RASA2: variants seen among roughly 807,000 people sequenced by gnomAD.
RASA2 encodes ras GTPase-activating protein 2.
RASA2 carries 155 observed loss-of-function variants against 118.2 expected under a neutral mutation model. The ratio of observed to expected loss-of-function variants is 1.31; its 90% CI spans 1.15 to 1.50. The LOEUF is 1.50. Among genes scored for constraint, RASA2 ranks in the 40% most tolerant of loss-of-function variants. The probability of loss-of-function intolerance (pLI) is 0.00; values close to 1 mark genes in which losing one functional copy is unlikely to be tolerated. For missense variants in RASA2, 1,016 were observed against 1,009.6 expected, an observed-to-expected ratio of 1.01 and a Z score of -0.09; for synonymous variants, 353 against 349.1, an observed-to-expected ratio of 1.01 and a Z score of -0.12.
intron 13 of RASA2, among the ~76,000 whole-genome samples, chr3:141,573,553 A>G (rs753031486): frequency 1.9e-4 from 29 of 152,234 alleles, no homozygotes; most frequent in Non-Finnish European, 3.5e-4. Context: ...TTTATCAGTC[A>G]GTAGTTTCAG....
At chr3:141,513,665 A>C (rs1319054741) in intron 2 of RASA2, among the ~76,000 whole-genome samples, 2 of 152,192 alleles carry the variant, frequency 1.3e-5, no homozygotes, top group African/African-American at 4.8e-5. Context: ...TTACATTTGA[A>C]GGGAAAAATA....
intron 4 of RASA2, among the ~76,000 whole-genome samples, chr3:141,537,500 G>A (rs1577700751): frequency 6.6e-6 from 1 of 152,074 alleles, no homozygotes; most frequent in East Asian, 1.9e-4. Context: ...TGGATGCAGT[G>A]GCTCACACCT....
At chr3:141,595,616 TC>T (rs1288291152) in intron 19 of RASA2, among the ~76,000 whole-genome samples, 54 of 152,284 alleles carry the variant, frequency 3.5e-4, no homozygotes, top group African/African-American at 1.3e-3. Flanking sequence ...AATTTTTTTT[TC>T]TTTTTTTCTT....
At chr3:141,572,864 A>G in intron 12 of RASA2, 141 bp downstream of exon 12, 2 of 699,188 alleles carry the variant, frequency 2.9e-6, no homozygotes, top group South Asian at 2.0e-5. Context: ...CAAATTATTT[A>G]CTTCTCTGTC....
At chr3:141,549,484 C>CGTGT (rs56036122) in intron 5 of RASA2, among the ~76,000 whole-genome samples, 9,264 of 145,194 alleles carry the variant, frequency 0.064, 558 homozygotes, top group African/African-American at 0.16. Flanking sequence ...TGTGTGTGTG[C>CGTGT]GTGTGTGTGT....
chr3:141,611,643 G>T (rs2083653227), intron 23 of RASA2, among the ~76,000 whole-genome samples: 1 of 152,068 alleles, frequency 6.6e-6, no homozygotes, highest in African/African-American at 2.4e-5. Context: ...GCTGACTAGG[G>T]CTCTGAATCC....
chr3:141,542,634 A>T (rs906508647), intron 5 of RASA2, among the ~76,000 whole-genome samples: 6 of 152,162 alleles, frequency 3.9e-5, no homozygotes, highest in Non-Finnish European at 7.4e-5. Flanking sequence ...GCACAATACC[A>T]AAACCAGGAA....
chr3:141,607,627 T>C (rs1314182643), intron 19 of RASA2, 51 bp from the exon 20 acceptor site: 1 of 1,502,408 alleles, frequency 6.7e-7, no homozygotes, highest in Non-Finnish European at 8.9e-7. Flanking sequence ...CTCATCTTTA[T>C]AATTCTGATG....
At chr3:141,509,433 G>C (rs552944900) in intron 1 of RASA2, among the ~76,000 whole-genome samples, 1 of 152,264 alleles carries the variant, frequency 6.6e-6, no homozygotes, top group South Asian at 2.1e-4. Flanking sequence ...GCACCTATGT[G>C]AATGAAACAG....
At chr3:141,490,335 CAAAAAAAA>C (rs3075070) in intron 1 of RASA2, among the ~76,000 whole-genome samples, 3 of 93,716 alleles carry the variant, frequency 3.2e-5, no homozygotes, top group African/African-American at 1.1e-4. Flanking sequence ...CTCCTCCCCT[CAAAAAAAA>C]AAAAAAAAAA....
chr3:141,538,680 G>A (rs555650902), intron 4 of RASA2, among the ~76,000 whole-genome samples: 1 of 152,198 alleles, frequency 6.6e-6, no homozygotes, highest in South Asian at 2.1e-4. Context: ...AACAGTATGT[G>A]TTTTGTGTCT....
chr3:141,531,458 ATG>A (rs1277631759), intron 4 of RASA2, among the ~76,000 whole-genome samples: 3 of 151,536 alleles, frequency 2.0e-5, no homozygotes, highest in Non-Finnish European at 4.4e-5. Context: ...ATATATGCAT[ATG>A]TGTGTATATA....
At chr3:141,537,682 T>C (rs1234038232) in intron 4 of RASA2, among the ~76,000 whole-genome samples, 1 of 152,046 alleles carries the variant, frequency 6.6e-6, no homozygotes, top group Admixed American at 6.6e-5. Context: ...GGCAGGAGAA[T>C]CGCTTGAACC....
intron 5 of RASA2, among the ~76,000 whole-genome samples, chr3:141,545,593 G>T (rs1044587412): frequency 6.7e-6 from 1 of 150,264 alleles, no homozygotes; most frequent in Non-Finnish European, 1.5e-5. Context: ...GATTACAGGT[G>T]TGCACCACCA....
At chr3:141,492,208 C>T (rs2151066907) in intron 1 of RASA2, among the ~76,000 whole-genome samples, 1 of 152,246 alleles carries the variant, frequency 6.6e-6, no homozygotes, top group Admixed American at 6.5e-5. Flanking sequence ...ACTAATATAG[C>T]CAGAATAAAA....
chr3:141,544,993 G>T (rs1233386642), intron 5 of RASA2, among the ~76,000 whole-genome samples: 2 of 152,218 alleles, frequency 1.3e-5, no homozygotes, highest in Non-Finnish European at 2.9e-5. Flanking sequence ...CTACCAGAGG[G>T]TGGAGAGTAG....
At chr3:141,520,721 C>T (rs904192846) in intron 3 of RASA2, among the ~76,000 whole-genome samples, 2 of 152,146 alleles carry the variant, frequency 1.3e-5, no homozygotes, top group Non-Finnish European at 2.9e-5. Flanking sequence ...GTTATATACA[C>T]ACGCAGATAT....
At chr3:141,529,290 C>T (rs2082225646) in intron 3 of RASA2, among the ~76,000 whole-genome samples, 1 of 152,154 alleles carries the variant, frequency 6.6e-6, no homozygotes, top group African/African-American at 2.4e-5. Flanking sequence ...TTTATAAACT[C>T]TTACTAAATG....
At chr3:141,584,977 C>T (rs1007835307) in intron 17 of RASA2, among the ~76,000 whole-genome samples, 13 of 152,016 alleles carry the variant, frequency 8.6e-5, no homozygotes, top group Admixed American at 3.3e-4. Context: ...TTTGAATATC[C>T]TGTTGGCACT....
Sources: gnomAD v4.1 joint callset for allele counts (sites outside exome capture counted in the v4.1 genomes callset) on GRCh38, gnomAD v4.1.1 for gene constraint, MANE v1.5 for transcripts, NCBI Gene and HGNC (gene_info 2026-07-23, HGNC 2026-07-21) for gene names.